PLPP3: variants seen among roughly 807,000 people sequenced by gnomAD.
PLPP3 encodes the protein PAP2 beta.
In PLPP3, 6 loss-of-function variants were observed where a neutral mutation model predicts 29.6. The observed-to-expected ratio is 0.20, with a 90% CI of 0.11 to 0.40. PLPP3 has a LOEUF of 0.40. Among genes scored for constraint, PLPP3 ranks in the 10% least tolerant of loss-of-function variants. The pLI is 1.00. For synonymous variants in PLPP3, 152 were observed against 159.7 expected, an observed-to-expected ratio of 0.95 and a Z score of 0.36; for missense variants, 308 against 407.7, an observed-to-expected ratio of 0.76 and a Z score of 2.11.
chr1:56,536,337 A>G (rs867613846), intron 2 of PLPP3, among the ~76,000 whole-genome samples: 2 of 152,160 alleles, frequency 1.3e-5, no homozygotes, highest in Non-Finnish European at 2.9e-5. Flanking sequence ...TTTCAAACAC[A>G]AAGATCCTTA....
chr1:56,567,633 G>A (rs189986833), intron 1 of PLPP3, among the ~76,000 whole-genome samples: 78 of 152,064 alleles, frequency 5.1e-4, no homozygotes, highest in African/African-American at 1.7e-3. Context: ...TCCTGACCTC[G>A]TGATCCACCC....
chr1:56,548,721 GGCATTACTAAAGTGAGA>G (rs1646020683), intron 1 of PLPP3, among the ~76,000 whole-genome samples: 1 of 152,128 alleles, frequency 6.6e-6, no homozygotes, highest in Non-Finnish European at 1.5e-5. Flanking sequence ...CTTCCACAGG[GGCATTACTAAAGTGAGA>G]GCACTGAGGA....
At chr1:56,523,944 C>T in intron 3 of PLPP3, 64 bp from the exon 4 acceptor site, 2 of 1,548,124 alleles carry the variant, frequency 1.3e-6, no homozygotes, top group South Asian at 1.1e-5. Context: ...ACTTGTCTGT[C>T]TGTCTTCCCT....
intron 1 of PLPP3, among the ~76,000 whole-genome samples, chr1:56,560,569 G>A (rs1464756027): frequency 6.6e-6 from 1 of 151,906 alleles, no homozygotes; most frequent in Admixed American, 6.6e-5. Flanking sequence ...AAGGGCAGAG[G>A]GGCTAAAAAG....
At chr1:56,518,715 T>TTTTATATATA (rs1553136509) in intron 4 of PLPP3, among the ~76,000 whole-genome samples, 4 of 126,692 alleles carry the variant, frequency 3.2e-5, no homozygotes, top group Non-Finnish European at 7.0e-5. Flanking sequence ...TTTTAATCAT[T>TTTTATATATA]TATATATATA....
chr1:56,574,376 A>G (rs1646220999), intron 1 of PLPP3, among the ~76,000 whole-genome samples: 1 of 152,180 alleles, frequency 6.6e-6, no homozygotes, highest in South Asian at 2.1e-4. Context: ...CAGCCTCCCA[A>G]GAAGCTGGGC....
intron 5 of PLPP3, among the ~76,000 whole-genome samples, chr1:56,503,923 G>A (rs1339551546): frequency 1.3e-5 from 2 of 152,136 alleles, no homozygotes; most frequent in East Asian, 1.9e-4. Context: ...GATTACAGGT[G>A]TGCACCACTG....
At chr1:56,540,046 A>G (rs925011441) in intron 1 of PLPP3, among the ~76,000 whole-genome samples, 2 of 152,146 alleles carry the variant, frequency 1.3e-5, no homozygotes, top group Non-Finnish European at 2.9e-5. Context: ...GTTTCTATGG[A>G]CAATAAAACA....
At chr1:56,530,422 G>A (rs1169688598) in intron 2 of PLPP3, among the ~76,000 whole-genome samples, 1 of 152,162 alleles carries the variant, frequency 6.6e-6, no homozygotes, top group African/African-American at 2.4e-5. Context: ...CCCACCTGGA[G>A]ATGTTAGTAC....
At chr1:56,522,818 C>T (rs1321852608) in intron 4 of PLPP3, among the ~76,000 whole-genome samples, 1 of 152,230 alleles carries the variant, frequency 6.6e-6, no homozygotes, top group East Asian at 1.9e-4. Flanking sequence ...CACCTTCTCG[C>T]TCTGAATTCT....
chr1:56,494,957 G>A lies in PLPP3; in HGVS notation c.*1594C>T, dbSNP rs938965016. 8.5e-5 allele frequency: 13 copies of A among 152,388 alleles called. No individual in the cohort carries two copies. The highest frequency in any genetic ancestry group is 4.4e-5 in the Non-Finnish European group (3 of 68,000). The allele number at this position is 152,388 out of a possible 1,614,324, so 9.4% of individuals were successfully genotyped here. ...TGCAGTTATTTCATTATAAAACAAT[G>A]TCTACCACAGAACTATGATATTTTA... On this transcript the variant is annotated 3_prime_UTR_variant, in exon 6 of 6. Coordinates refer to ENST00000371250, the MANE Select transcript of PLPP3 (RefSeq NM_003713.5).
At chr1:56,543,928 C>T (rs1329983976) in intron 1 of PLPP3, among the ~76,000 whole-genome samples, 1 of 152,042 alleles carries the variant, frequency 6.6e-6, no homozygotes, top group East Asian at 1.9e-4. Context: ...GTTTCCTGAC[C>T]CCAAATCAAG....
intron 1 of PLPP3, among the ~76,000 whole-genome samples, chr1:56,547,581 T>C (rs1355140610): frequency 6.6e-6 from 1 of 152,170 alleles, no homozygotes; most frequent in Non-Finnish European, 1.5e-5. Flanking sequence ...AAGACACTTA[T>C]CTTCAGTTTC....
chr1:56,513,087 T>A (rs960327952), intron 4 of PLPP3: 1 of 152,122 alleles, frequency 6.6e-6, no homozygotes, highest in African/African-American at 2.4e-5. Flanking sequence ...TGAATGAGAA[T>A]ATAAGGAAAC....
At chr1:56,555,433 TA>T (rs66593221) in intron 1 of PLPP3, among the ~76,000 whole-genome samples, 12,714 of 33,228 alleles carry the variant, frequency 0.38, 1,324 homozygotes, top group South Asian at 0.62. Context: ...GGCCAAACAC[TA>T]AAAAAAAAAA....
At chr1:56,560,620 C>G (rs927556389) in intron 1 of PLPP3, among the ~76,000 whole-genome samples, 1 of 152,162 alleles carries the variant, frequency 6.6e-6, no homozygotes, top group African/African-American at 2.4e-5. Context: ...ATCCCATTCA[C>G]GAGCACTCTG....
At chr1:56,537,574 A>G (rs1194891299) in intron 1 of PLPP3, among the ~76,000 whole-genome samples, 1 of 152,148 alleles carries the variant, frequency 6.6e-6, no homozygotes, top group Non-Finnish European at 1.5e-5. Flanking sequence ...GAGTAAAAAA[A>G]TCTGGATGTG....
chr1:56,499,130 C>T (rs1645649459), intron 5 of PLPP3, among the ~76,000 whole-genome samples: 1 of 136,594 alleles, frequency 7.3e-6, no homozygotes, highest in Non-Finnish European at 1.5e-5. Context: ...CCTCAATCTA[C>T]TGGCTTATCT....
At chr1:56,497,616 G>A (rs1645638942) in intron 5 of PLPP3, among the ~76,000 whole-genome samples, 2 of 152,264 alleles carry the variant, frequency 1.3e-5, no homozygotes, top group African/African-American at 2.4e-5. Flanking sequence ...CACTATCAAA[G>A]TTTCTACACC....
Sources: allele counts gnomAD v4.1 joint callset (sites outside exome capture counted in the v4.1 genomes callset), GRCh38; gene constraint gnomAD v4.1.1; transcripts MANE v1.5; gene names NCBI Gene and HGNC (gene_info 2026-07-23, HGNC 2026-07-21).